Variants in NUDCD1 observed in about 807,000 individuals in gnomAD.
The protein encoded by NUDCD1 is NudC domain containing 1, also known as nudC domain-containing protein 1.
In NUDCD1, 60 loss-of-function variants were observed where a neutral mutation model predicts 67.8. The observed-to-expected ratio is 0.88, with a 90% CI of 0.72 to 1.10. The LOEUF is 1.10. Among genes scored for constraint, NUDCD1 ranks in the 50% least tolerant of loss-of-function variants. The pLI is 0.00. For missense variants in NUDCD1, 643 were observed against 695.0 expected (o/e 0.93, Z 0.84); for synonymous variants, 244 against 230.8 (o/e 1.06, Z -0.52).
chr8:109,261,756 C>A (rs867729354), intron 8 of NUDCD1, among the ~76,000 whole-genome samples: 9 of 152,176 alleles, frequency 5.9e-5, no homozygotes, highest in Middle Eastern at 3.4e-3. Context: ...TAAAAGACTT[C>A]TACTTAAACT....
intron 1 of NUDCD1, among the ~76,000 whole-genome samples, chr8:109,323,293 G>T (rs1469798919): frequency 6.6e-6 from 1 of 152,030 alleles, no homozygotes; most frequent in Non-Finnish European, 1.5e-5. Context: ...TCCCCCAAAT[G>T]CTCACCTGTT....
chr8:109,275,526 A>C (rs1228462292), intron 6 of NUDCD1, 30 bp from the exon 7 acceptor site: 2 of 1,571,498 alleles, frequency 1.3e-6, no homozygotes, highest in African/African-American at 2.7e-5. Flanking sequence ...AAGTAATGTT[A>C]CATTAAGCAA....
At chr8:109,247,938 A>G (rs921275001) in intron 8 of NUDCD1, among the ~76,000 whole-genome samples, 2 of 151,940 alleles carry the variant, frequency 1.3e-5, no homozygotes, top group Non-Finnish European at 2.9e-5. Context: ...TGAATAAGTT[A>G]CCTTATATAG....
At position 109,333,874 on chromosome 8, in the gene NUDCD1, G is replaced by A. The variant is rs1482812982; in HGVS notation, c.118+19C>T. ...AAAGGGGAAAGGAACGGAGTACGAA[G>A]GGCGCCGCCGCTTCCCACCTGCGTC... On this transcript the variant is annotated intron_variant, in intron 1 of 9. Transcript: ENST00000239690. The A allele has an allele frequency of 3.1e-6, 5 of 1,613,640 alleles. No homozygotes were observed. In the South Asian group the frequency reaches 4.4e-5, roughly 14 times the overall value.
intron 7 of NUDCD1, among the ~76,000 whole-genome samples, chr8:109,272,364 A>AACAC (rs5893949): frequency 0.011 from 1,684 of 150,350 alleles, 32 homozygotes; most frequent in African/African-American, 0.038. Flanking sequence ...GAACCACTAA[A>AACAC]ACACACACAC....
intron 2 of NUDCD1, among the ~76,000 whole-genome samples, chr8:109,301,899 T>C (rs543327281): frequency 6.6e-6 from 1 of 152,328 alleles, no homozygotes; most frequent in South Asian, 2.1e-4. Flanking sequence ...GTCTGATCAC[T>C]GCGGGGATGC....
intron 2 of NUDCD1, chr8:109,313,903 AAAATT>A (rs1815323124): frequency 1.5e-6 from 1 of 678,368 alleles, no homozygotes; most frequent in Non-Finnish European, 2.3e-6. Flanking sequence ...ATGTGAAAAC[AAAATT>A]AAATTAAAAC....
intron 8 of NUDCD1, among the ~76,000 whole-genome samples, chr8:109,254,088 A>C (rs1019997030): frequency 6.6e-6 from 1 of 152,190 alleles, no homozygotes; most frequent in African/African-American, 2.4e-5. Flanking sequence ...CAAGAGCAAA[A>C]CAGGAAATAA....
chr8:109,248,936 T>C (rs1370702274), intron 8 of NUDCD1, among the ~76,000 whole-genome samples: 1 of 152,144 alleles, frequency 6.6e-6, no homozygotes, highest in Non-Finnish European at 1.5e-5. Flanking sequence ...ATACACTCTA[T>C]GCCATATGCA....
chr8:109,329,257 T>C (rs1472012271), intron 1 of NUDCD1, among the ~76,000 whole-genome samples: 1 of 152,000 alleles, frequency 6.6e-6, no homozygotes, highest in Non-Finnish European at 1.5e-5. Flanking sequence ...GATCTAAAAA[T>C]GTGTAACTGG....
chr8:109,274,873 GATTAAGT>G lies in NUDCD1; in HGVS notation c.1173+472_1173+478del, dbSNP rs531525059. On this transcript the variant is annotated intron_variant, in intron 7 of 9. Transcript: ENST00000239690. ...AGAGTGGGAATGTATTCAACCTCAT[GATTAAGT>G]ATTGTGTTGTCACTGTAATTATCAC... Among the ~76,000 whole-genome samples, 29 of 152,158 alleles carry G rather than the reference GATTAAGT, an allele frequency of 1.9e-4. No individual in the cohort carries two copies. The South Asian group carries it at 5.0e-3, about 26-fold the overall frequency.
intron 2 of NUDCD1, among the ~76,000 whole-genome samples, chr8:109,300,433 C>T (rs549888609): frequency 9.5e-4 from 144 of 152,102 alleles, no homozygotes; most frequent in Non-Finnish European, 1.9e-3. Flanking sequence ...ACAATGGACA[C>T]ACTTACAGAA....
chr8:109,328,777 A>G (rs1031255896), intron 1 of NUDCD1, among the ~76,000 whole-genome samples: 1 of 152,218 alleles, frequency 6.6e-6, no homozygotes, highest in Non-Finnish European at 1.5e-5. Context: ...TATCCCGGAA[A>G]AAAAACTCAA....
intron 8 of NUDCD1, among the ~76,000 whole-genome samples, chr8:109,256,384 G>C (rs1813738313): frequency 6.6e-6 from 1 of 152,094 alleles, no homozygotes; most frequent in Non-Finnish European, 1.5e-5. Flanking sequence ...GAATATTAGA[G>C]TACATCTCAT....
chr8:109,259,611 G>T (rs1813820845), intron 8 of NUDCD1, among the ~76,000 whole-genome samples: 1 of 152,162 alleles, frequency 6.6e-6, no homozygotes, highest in South Asian at 2.1e-4. Context: ...CTATTAATGA[G>T]GAGCTGAAAA....
At chr8:109,299,409 A>G (rs2168964) in intron 2 of NUDCD1, among the ~76,000 whole-genome samples, 97,117 of 152,034 alleles carry the variant, frequency 0.64, 32,553 homozygotes, top group African/African-American at 0.85. Context: ...TGCTGTTGGC[A>G]AAGGCATGTT....
At chr8:109,290,522 C>A (rs4292664) in intron 4 of NUDCD1, among the ~76,000 whole-genome samples, 3,700 of 152,100 alleles carry the variant, frequency 0.024, 138 homozygotes, top group African/African-American at 0.084. Context: ...GCTCTAACTC[C>A]CGATAAGGGG....
chr8:109,258,207 G>T (rs1279557002), intron 8 of NUDCD1, among the ~76,000 whole-genome samples: 2 of 152,032 alleles, frequency 1.3e-5, no homozygotes, highest in Non-Finnish European at 2.9e-5. Context: ...CATATGGTAT[G>T]ATGTAAAAGT....
chr8:109,333,954 G>C lies in NUDCD1; in HGVS notation c.57C>G (p.Arg19=), dbSNP rs1406239195. The C allele has an allele frequency of 1.2e-6, 2 of 1,614,018 alleles. No individual in the cohort carries two copies. The highest frequency in any genetic ancestry group is 2.7e-5 in the African/African-American group (2 of 74,952). Residue 19 remains arginine (R), a synonymous_variant, in exon 1 of 10, where the codon CGC becomes CGG. Transcript: ENST00000239690. ...LRVKRPLLDP[R]FEGYKLSLEP... is the part of the protein sequence containing the mutation. ...CAAGAGAGAGCTTGTAACCCTCGAA[G>C]CGGGGATCCAACAGAGGTCTCTTCA...
Sources: gnomAD v4.1 joint callset for allele counts (sites outside exome capture counted in the v4.1 genomes callset) on GRCh38, gnomAD v4.1.1 for gene constraint, MANE v1.5 for transcripts, NCBI Gene and HGNC (gene_info 2026-07-23, HGNC 2026-07-21) for gene names.